Variants in PAPPA observed in about 807,000 individuals in gnomAD.
The protein encoded by PAPPA is pappalysin 1.
In PAPPA, 60 loss-of-function variants were observed where a neutral mutation model predicts 164.0. That is an observed-to-expected ratio of 0.37 (90% CI 0.30 to 0.45). PAPPA has a LOEUF of 0.45. PAPPA is among the 20% of genes least tolerant of loss of function. The pLI is 1.00. For synonymous variants in PAPPA, 875 were observed against 814.1 expected, an observed-to-expected ratio of 1.07 and a Z score of -1.27; for missense variants, 1,782 against 2,087.3, an observed-to-expected ratio of 0.85 and a Z score of 2.85.
chr9:116,384,205 C>T (rs1336599041), intron 21 of PAPPA, among the ~76,000 whole-genome samples: 1 of 151,596 alleles, frequency 6.6e-6, no homozygotes, highest in African/African-American at 2.4e-5. Context: ...ATGGGTGAAT[C>T]ACTTGGGACC....
At chr9:116,268,909 T>G (rs1043891306) in intron 8 of PAPPA, among the ~76,000 whole-genome samples, 3 of 152,018 alleles carry the variant, frequency 2.0e-5, no homozygotes, top group Non-Finnish European at 4.4e-5. Context: ...GCTAATACGA[T>G]TTTTCATGGA....
chr9:116,349,170 G>T (rs1282050939), intron 15 of PAPPA, among the ~76,000 whole-genome samples: 1 of 150,200 alleles, frequency 6.7e-6, no homozygotes, highest in Non-Finnish European at 1.5e-5. Flanking sequence ...CTTGGCTAAT[G>T]CAGCCAGTTG....
chr9:116,223,756 G>T (rs1587959645), intron 5 of PAPPA, among the ~76,000 whole-genome samples: 1 of 152,214 alleles, frequency 6.6e-6, no homozygotes, highest in East Asian at 1.9e-4. Context: ...ATGCAAATTG[G>T]CTTAGTAGAA....
In PAPPA at chr9:116,334,950, C is replaced by G; in HGVS notation, c.3487C>G (p.Arg1163Gly). 6.2e-7 allele frequency: 1 copy of G among 1,613,740 alleles called. No individual in the cohort carries two copies. The highest frequency in any genetic ancestry group is 8.5e-7 in the Non-Finnish European group (1 of 1,179,878). ...SQPFYHSQAVRVSFSSPLVAI... is the reference protein window; with the variant it reads ...SQPFYHSQAVGVSFSSPLVAI... ...GCCCTTCTACCACAGCCAGGCGGTACGTGTGAGCTTCAGTTCGCCCCTGGT... is the reference window on the plus strand; with the variant it reads ...GCCCTTCTACCACAGCCAGGCGGTAGGTGTGAGCTTCAGTTCGCCCCTGGT... Residue 1163 changes from arginine (R) to glycine (G), a missense_variant, in exon 13 of 22, where the codon CGT (arginine) becomes GGT (glycine). Arg to Gly is a moderately radical substitution (Grantham distance 125, BLOSUM62 -2). This residue lies in a region of PAPPA where 1,324 missense variants were observed against 1,656.9 expected (regional missense o/e 0.80). Transcript: ENST00000328252.
intron 9 of PAPPA, among the ~76,000 whole-genome samples, chr9:116,289,349 A>ATATG (rs1265346907): frequency 3.8e-5 from 5 of 131,682 alleles, no homozygotes; most frequent in African/African-American, 8.7e-5. Context: ...TATATATGGC[A>ATATG]TATATATGGC....
At chr9:116,235,051 C>T in intron 6 of PAPPA, 88 bp from the exon 7 acceptor site, 1 of 1,494,600 alleles carries the variant, frequency 6.7e-7, no homozygotes. Flanking sequence ...TCTAGTCAGA[C>T]CAATTTCTCC....
chr9:116,275,817 TG>T (rs1303683510), intron 9 of PAPPA, among the ~76,000 whole-genome samples: 3 of 152,198 alleles, frequency 2.0e-5, no homozygotes, highest in Non-Finnish European at 4.4e-5. Context: ...GACAGATTTA[TG>T]GTGACATTCC....
Position 116,235,355 on chromosome 9 carries a change from A to G in PAPPA, c.2450A>G (p.Lys817Arg), listed in dbSNP as rs1844648987. 6.2e-7 allele frequency: 1 copy of G among 1,613,918 alleles called. No homozygotes were observed. Among genetic ancestry groups the G allele is most frequent in the African/African-American group, 1.3e-5 (1 of 74,920 alleles). Residue 817 changes from lysine (K) to arginine (R), a missense_variant, in exon 7 of 22, where the codon AAA becomes AGA. Lys to Arg is a conservative substitution (Grantham distance 26). Coordinates refer to ENST00000328252, the MANE Select transcript of PAPPA (RefSeq NM_002581.5). ...TCTAGTGGAGCTGTCAATGACATCA[A>G]ACTGTTGGCTGTCAGTGGGAAGAAC... ...WDSSGAVNDIKLLAVSGKNIS... is the reference protein window; with the variant it reads ...WDSSGAVNDIRLLAVSGKNIS...
chr9:116,316,441 A>T (rs1000362441), intron 10 of PAPPA: 1 of 152,226 alleles, frequency 6.6e-6, no homozygotes, highest in African/African-American at 2.4e-5. Context: ...ATCTCAGAAC[A>T]GCTGCTTCAA....
At chr9:116,194,152 G>T (rs1212008566) in intron 2 of PAPPA, among the ~76,000 whole-genome samples, 1 of 152,204 alleles carries the variant, frequency 6.6e-6, no homozygotes, top group African/African-American at 2.4e-5. Flanking sequence ...GATTTAGAAT[G>T]AAAGAATTCA....
Position 116,374,732 on chromosome 9 carries a change from T to C in PAPPA, c.4606-2844T>C, listed in dbSNP as rs752386266. Among the ~76,000 whole-genome samples, 127 of 152,232 alleles carry C rather than the reference T, an allele frequency of 8.3e-4. 1 individual carries two copies. Among genetic ancestry groups the C allele is most frequent in the Non-Finnish European group, 1.3e-4 (9 of 68,036 alleles). ...AATCCCTAGTGGATTCTAACTCTGCTGTTTTCCACTTCTTGAACCTTTACC... is the reference window on the plus strand; with the variant it reads ...AATCCCTAGTGGATTCTAACTCTGCCGTTTTCCACTTCTTGAACCTTTACC... On this transcript the variant is annotated intron_variant, in intron 19 of 21. Transcript: ENST00000328252.
intron 18 of PAPPA, 112 bp downstream of exon 18, chr9:116,362,851 C>A: frequency 2.0e-6 from 2 of 1,000,104 alleles, no homozygotes; most frequent in Non-Finnish European, 2.9e-6. Flanking sequence ...CCTGCGTAGG[C>A]ACTACAGAAA....
chr9:116,196,416 G>A (rs905253766), intron 2 of PAPPA, among the ~76,000 whole-genome samples: 2 of 152,204 alleles, frequency 1.3e-5, no homozygotes, highest in African/African-American at 2.4e-5. Flanking sequence ...GACCACTCAT[G>A]ACAGCCTCTG....
chr9:116,244,974 C>T (rs1261191700), intron 7 of PAPPA, among the ~76,000 whole-genome samples: 4 of 152,140 alleles, frequency 2.6e-5, no homozygotes, highest in Non-Finnish European at 5.9e-5. Flanking sequence ...GAATGTTACT[C>T]AGCCATTAAA....
intron 2 of PAPPA, among the ~76,000 whole-genome samples, chr9:116,204,382 T>A (rs945838832): frequency 6.6e-6 from 1 of 152,166 alleles, no homozygotes; most frequent in Non-Finnish European, 1.5e-5. Flanking sequence ...GGATTTTGAT[T>A]GATTTTTCTG....
At chr9:116,394,561 T>TG (rs1402470683) in intron 21 of PAPPA, among the ~76,000 whole-genome samples, 1 of 152,202 alleles carries the variant, frequency 6.6e-6, no homozygotes, top group Non-Finnish European at 1.5e-5. Flanking sequence ...CTGTTTGGAC[T>TG]GGGGGGTTTT....
At chr9:116,312,288 CTTTTTTTT>C (rs5900201) in intron 10 of PAPPA, among the ~76,000 whole-genome samples, 2 of 129,630 alleles carry the variant, frequency 1.5e-5, no homozygotes, top group African/African-American at 5.7e-5. Flanking sequence ...TTCTTTCTTT[CTTTTTTTT>C]TTTTTTTTTG....
rs563919000 is a variant in PAPPA at position 116,323,122 on chromosome 9, G to A, written c.3148-8122G>A. 1.2e-4 allele frequency among the ~76,000 whole-genome samples: 19 copies of A among 152,176 alleles called. No homozygotes were observed. In the South Asian group the frequency reaches 3.1e-3, roughly 25 times the overall value. ...CCGTCTCCCTGCCTTTGTGTACATC[G>A]TGTGTGGGTGGAAGATAAACTGGAT... On this transcript the variant is annotated intron_variant, in intron 10 of 21. Transcript: ENST00000328252.
Position 116,390,955 on chromosome 9 carries a change from T to G in PAPPA, c.4777-5554T>G, listed in dbSNP as rs143337460. ...TAATGCTTTACTTGCATTTCATACT[T>G]TACCCAACATACTTCTGTGTGGTAG... is the stretch of plus-strand genomic sequence containing the variant. On this transcript the variant is annotated intron_variant, in intron 21 of 21. Transcript: ENST00000328252. Among the ~76,000 whole-genome samples the G allele has an allele frequency of 6.7e-3, 1,017 of 152,298 alleles. 7 individuals are homozygous for G. Among genetic ancestry groups the G allele is most frequent in the African/African-American group, 0.018 (757 of 41,538 alleles).
Sources: allele counts gnomAD v4.1 joint callset (sites outside exome capture counted in the v4.1 genomes callset), GRCh38; gene constraint gnomAD v4.1.1; regional missense constraint gnomAD v4.1.1; transcripts MANE v1.5; gene names NCBI Gene and HGNC (gene_info 2026-07-23, HGNC 2026-07-21).